Variants in CTNNA2 observed in about 807,000 individuals in gnomAD.
CTNNA2 encodes the protein catenin alpha 2.
Under a neutral mutation model 101.0 loss-of-function variants are expected in CTNNA2, and 42 were observed. The observed-to-expected ratio is 0.42, with a 90% CI of 0.32 to 0.54. The LOEUF is 0.54. Among genes scored for constraint, CTNNA2 ranks in the 20% least tolerant of loss-of-function variants. CTNNA2 has a pLI of 0.14. For synonymous variants in CTNNA2, 450 were observed against 456.4 expected, an observed-to-expected ratio of 0.99 and a Z score of 0.18; for missense variants, 871 against 1,223.1, an observed-to-expected ratio of 0.71 and a Z score of 4.29.
At chr2:79,419,992 C>T (rs1678523949) in intron 4 of CTNNA2, among the ~76,000 whole-genome samples, 1 of 152,142 alleles carries the variant, frequency 6.6e-6, no homozygotes, top group African/African-American at 2.4e-5. Context: ...GACTTCTCAT[C>T]TTTCTTCACA....
chr2:79,242,158 G>A (rs1022177128), intron 2 of CTNNA2, among the ~76,000 whole-genome samples: 10 of 151,954 alleles, frequency 6.6e-5, no homozygotes, highest in Non-Finnish European at 1.2e-4. Context: ...CACCCGCCTC[G>A]GCCTCCCAAA....
At chr2:79,210,756 C>A (rs1010077839) in intron 2 of CTNNA2, among the ~76,000 whole-genome samples, 3 of 152,098 alleles carry the variant, frequency 2.0e-5, no homozygotes, top group African/African-American at 7.2e-5. Flanking sequence ...AGCACTTGTT[C>A]CCATCACCTG....
intron 7 of CTNNA2, among the ~76,000 whole-genome samples, chr2:80,039,673 C>A (rs923672843): frequency 1.3e-5 from 2 of 152,204 alleles, no homozygotes; most frequent in South Asian, 4.1e-4. Flanking sequence ...CCCAACCCAT[C>A]TCTTAATCTT....
At chr2:79,959,356 A>G (rs1436220228) in intron 7 of CTNNA2, among the ~76,000 whole-genome samples, 1 of 152,130 alleles carries the variant, frequency 6.6e-6, no homozygotes, top group Non-Finnish European at 1.5e-5. Context: ...GTAATTTAGA[A>G]CACAGTTGAA....
intron 7 of CTNNA2, among the ~76,000 whole-genome samples, chr2:80,100,271 C>T (rs1193585448): frequency 6.6e-6 from 1 of 152,154 alleles, no homozygotes; most frequent in Non-Finnish European, 1.5e-5. Context: ...CTGATGCTTA[C>T]TAAAGTTTGC....
intron 3 of CTNNA2, among the ~76,000 whole-genome samples, chr2:79,343,593 C>T (rs11126712): frequency 0.35 from 52,620 of 151,970 alleles, 9,696 homozygotes; most frequent in South Asian, 0.49. Context: ...CTGCCCTCTT[C>T]TTCCTGGCCA....
upstream of CTNNA2, among the ~76,000 whole-genome samples, chr2:79,510,163 T>C (rs1353690724): frequency 2.0e-5 from 3 of 152,240 alleles, no homozygotes; most frequent in African/African-American, 7.2e-5. Flanking sequence ...CACAATGCCA[T>C]ACCTTTAACA....
chr2:80,453,649 C>T lies in CTNNA2; in HGVS notation c.1290+34048C>T, dbSNP rs1231947250. Among the ~76,000 whole-genome samples the T allele has an allele frequency of 2.6e-5, 4 of 152,160 alleles. No individual in the cohort carries two copies. In the East Asian group the frequency reaches 5.8e-4, roughly 22 times the overall value. ...TAGCAACGTGCTTAAATAGGAAACA[C>T]TACAGAACATATATCTGTTTGCGGG... On this transcript the variant is annotated intron_variant, in intron 9 of 18. Transcript: ENST00000402739.
intron 1 of CTNNA2, among the ~76,000 whole-genome samples, chr2:79,615,683 C>T (rs529316107): frequency 1.3e-5 from 2 of 152,200 alleles, no homozygotes; most frequent in Admixed American, 6.5e-5. Flanking sequence ...CTTTGTTTTT[C>T]CCACTATACA....
At chr2:80,189,701 C>T (rs1706355168) in intron 7 of CTNNA2, among the ~76,000 whole-genome samples, 1 of 152,090 alleles carries the variant, frequency 6.6e-6, no homozygotes. Flanking sequence ...CGTTGTTCCA[C>T]CTCACAATAC....
At chr2:79,689,415 T>C (rs896464170) in intron 2 of CTNNA2, among the ~76,000 whole-genome samples, 5 of 152,006 alleles carry the variant, frequency 3.3e-5, no homozygotes, top group African/African-American at 1.2e-4. Context: ...TCACAAGGAC[T>C]GAAGCCCAGT....
Position 79,195,667 on chromosome 2 carries a change from C to T in CTNNA2, c.-523-2292C>T, listed in dbSNP as rs77264719. Among the ~76,000 whole-genome samples, 305 of 152,232 alleles carry T rather than the reference C, an allele frequency of 2.0e-3. 3 individuals are homozygous for T. The East Asian group carries it at 0.051, about 26-fold the overall frequency. On this transcript the variant is annotated intron_variant, in intron 1 of 21. Transcript: ENST00000466387. ...AGGCCTCTGCAGTGCTTTCACAGCCCAGGGACCTTAATACATTTATCCCTT... is the reference window on the plus strand; with the variant it reads ...AGGCCTCTGCAGTGCTTTCACAGCCTAGGGACCTTAATACATTTATCCCTT...
chr2:80,540,547 A>ACAGTGG (rs1691464703), intron 9 of CTNNA2, among the ~76,000 whole-genome samples: 1 of 151,218 alleles, frequency 6.6e-6, no homozygotes, highest in African/African-American at 2.4e-5. Flanking sequence ...CAGTGAGCTG[A>ACAGTGG]GATCTTGCTG....
intron 3 of CTNNA2, among the ~76,000 whole-genome samples, chr2:79,755,485 C>T (rs1319323512): frequency 6.6e-6 from 1 of 152,168 alleles, no homozygotes; most frequent in Non-Finnish European, 1.5e-5. Context: ...CACTCACTGT[C>T]CTTCCAGTGG....
chr2:79,792,709 T>A (rs553275746), intron 3 of CTNNA2, among the ~76,000 whole-genome samples: 1 of 152,286 alleles, frequency 6.6e-6, no homozygotes, highest in East Asian at 1.9e-4. Flanking sequence ...CATGGTTTTG[T>A]GATATTAGAA....
At chr2:79,910,369 G>A (rs1685703485) in intron 7 of CTNNA2, among the ~76,000 whole-genome samples, 1 of 152,132 alleles carries the variant, frequency 6.6e-6, no homozygotes, top group Admixed American at 6.5e-5. Context: ...TGTATGACTG[G>A]TATCTAATTG....
At chr2:80,279,049 C>CGTGTGTGT (rs3219982) in intron 7 of CTNNA2, among the ~76,000 whole-genome samples, 4,609 of 135,742 alleles carry the variant, frequency 0.034, 157 homozygotes, top group African/African-American at 0.071. Context: ...ATGACTTTTA[C>CGTGTGTGT]GTGTGTGTGT....
chr2:80,458,416 C>T (rs1238558832), intron 9 of CTNNA2, among the ~76,000 whole-genome samples: 1 of 151,848 alleles, frequency 6.6e-6, no homozygotes, highest in Non-Finnish European at 1.5e-5. Flanking sequence ...TTTCTGGATC[C>T]CTGACAAGTA....
At chr2:79,365,856 G>A (rs1192654115) in intron 3 of CTNNA2, among the ~76,000 whole-genome samples, 2 of 152,258 alleles carry the variant, frequency 1.3e-5, no homozygotes, top group Non-Finnish European at 1.5e-5. Flanking sequence ...CGTATGAAAT[G>A]TTTCTGTAAC....
Sources: gnomAD v4.1 joint callset for allele counts (sites outside exome capture counted in the v4.1 genomes callset) on GRCh38, gnomAD v4.1.1 for gene constraint, MANE v1.5 for transcripts, NCBI Gene and HGNC (gene_info 2026-07-23, HGNC 2026-07-21) for gene names.